PDE1A: variants seen among roughly 807,000 people sequenced by gnomAD.
PDE1A encodes the protein dual specificity calcium/calmodulin-dependent 3',5'-cyclic nucleotide phosphodiesterase 1A.
PDE1A carries 35 observed loss-of-function variants against 61.7 expected under a neutral mutation model. That is an observed-to-expected ratio of 0.57 (90% CI 0.43 to 0.75). PDE1A has a LOEUF of 0.75. PDE1A is among the 30% of genes least tolerant of loss of function. PDE1A has a pLI of 0.00. For synonymous variants in PDE1A, 232 were observed against 213.2 expected (o/e 1.09, Z -0.77); for missense variants, 597 against 630.6 (o/e 0.95, Z 0.57).
intron 7 of PDE1A, among the ~76,000 whole-genome samples, chr2:182,216,258 G>T (rs1688172413): frequency 1.5e-5 from 1 of 65,078 alleles, no homozygotes; most frequent in Non-Finnish European, 3.1e-5. Flanking sequence ...GTATTGATGG[G>T]ACATATTTCA....
the PDE1A span, among the ~76,000 whole-genome samples, chr2:182,599,375 T>C: frequency 6.6e-6 from 1 of 151,790 alleles, no homozygotes; most frequent in African/African-American, 2.4e-5. Flanking sequence ...GACGCTCATC[T>C]GCAAAAGCAA....
the PDE1A span, among the ~76,000 whole-genome samples, chr2:182,707,435 T>C: frequency 6.6e-6 from 1 of 152,100 alleles, no homozygotes; most frequent in Admixed American, 6.5e-5. Flanking sequence ...ACAACCAATG[T>C]CAAGAATGAA....
chr2:182,404,691 C>T (rs1311287048), intron 1 of PDE1A, among the ~76,000 whole-genome samples: 3 of 151,984 alleles, frequency 2.0e-5, no homozygotes, highest in African/African-American at 4.8e-5. Context: ...TACAAACACA[C>T]ACATTACCCT....
chr2:182,283,172 A>C (rs991099758), intron 1 of PDE1A, among the ~76,000 whole-genome samples: 1 of 152,090 alleles, frequency 6.6e-6, no homozygotes, highest in Non-Finnish European at 1.5e-5. Context: ...ATGTAATGGC[A>C]AAGTAAAATC....
intron 2 of PDE1A, among the ~76,000 whole-genome samples, chr2:182,481,513 G>T (rs1361430845): frequency 6.6e-6 from 1 of 151,870 alleles, no homozygotes; most frequent in Non-Finnish European, 1.5e-5. Context: ...AAAAAGGAAA[G>T]AATTTCCATT....
intron 1 of PDE1A, among the ~76,000 whole-genome samples, chr2:182,266,188 C>T (rs1692623089): frequency 6.6e-6 from 1 of 151,914 alleles, no homozygotes; most frequent in South Asian, 2.1e-4. Flanking sequence ...ATTGTATATA[C>T]CAATAAATAA....
intron 1 of PDE1A, among the ~76,000 whole-genome samples, chr2:182,418,992 C>T (rs1703097451): frequency 6.6e-6 from 1 of 151,262 alleles, no homozygotes; most frequent in South Asian, 2.1e-4. Flanking sequence ...ATCGCTGATA[C>T]AATTGTCTTC....
the PDE1A span, among the ~76,000 whole-genome samples, chr2:182,547,415 C>T: frequency 6.6e-6 from 1 of 152,204 alleles, no homozygotes; most frequent in Non-Finnish European, 1.5e-5. Context: ...CATCTTATGC[C>T]TTCCTGCCTT....
chr2:182,334,963 G>T (rs1230963372), intron 1 of PDE1A, among the ~76,000 whole-genome samples: 3 of 152,126 alleles, frequency 2.0e-5, no homozygotes, highest in Non-Finnish European at 4.4e-5. Flanking sequence ...AAATTCACAA[G>T]CATTCCTATA....
the PDE1A span, among the ~76,000 whole-genome samples, chr2:182,602,059 C>T: frequency 6.6e-6 from 1 of 152,366 alleles, no homozygotes; most frequent in East Asian, 1.9e-4. Context: ...CTGCCTCCTG[C>T]TGCCATTCAT....
the PDE1A span, among the ~76,000 whole-genome samples, chr2:182,617,310 C>T: frequency 5.3e-5 from 8 of 152,090 alleles, no homozygotes; most frequent in Non-Finnish European, 7.4e-5. Context: ...GTGTCAACAC[C>T]CCACACATGT....
intron 4 of PDE1A, among the ~76,000 whole-genome samples, chr2:182,233,287 A>G (rs1689729593): frequency 6.6e-6 from 1 of 152,150 alleles, no homozygotes; most frequent in East Asian, 1.9e-4. Context: ...AAATTTTTCT[A>G]CAGACTGAGT....
At chr2:182,376,459 T>G (rs1700409865) in intron 1 of PDE1A, among the ~76,000 whole-genome samples, 1 of 152,158 alleles carries the variant, frequency 6.6e-6, no homozygotes, top group African/African-American at 2.4e-5. Context: ...CTCAACAAGT[T>G]CTCATCTCAG....
At chr2:182,626,184 A>C in the PDE1A span, among the ~76,000 whole-genome samples, 1 of 152,166 alleles carries the variant, frequency 6.6e-6, no homozygotes, top group African/African-American at 2.4e-5. Context: ...TTTCCAAAAC[A>C]AAAAGCAAAC....
At chr2:182,176,010 T>C (rs1692731928) in intron 13 of PDE1A, among the ~76,000 whole-genome samples, 1 of 148,696 alleles carries the variant, frequency 6.7e-6, no homozygotes, top group South Asian at 2.1e-4. Flanking sequence ...TGCGGCGTTA[T>C]TTCTGAGGGC....
chr2:182,373,437 G>A (rs1700226689), intron 1 of PDE1A, among the ~76,000 whole-genome samples: 1 of 152,094 alleles, frequency 6.6e-6, no homozygotes, highest in Non-Finnish European at 1.5e-5. Flanking sequence ...CATATCTTAG[G>A]TTCAAAAACT....
At chr2:182,687,733 CA>C in the PDE1A span, among the ~76,000 whole-genome samples, 2 of 151,948 alleles carry the variant, frequency 1.3e-5, no homozygotes, top group African/African-American at 4.8e-5. Flanking sequence ...TAAACTTCTC[CA>C]AGCTGAAGGA....
At chr2:182,672,459 G>A in the PDE1A span, among the ~76,000 whole-genome samples, 1 of 152,094 alleles carries the variant, frequency 6.6e-6, no homozygotes, top group Non-Finnish European at 1.5e-5. Context: ...TCACACAAAA[G>A]GTTACTGACA....
At chr2:182,682,861 T>A in the PDE1A span, among the ~76,000 whole-genome samples, 1 of 152,110 alleles carries the variant, frequency 6.6e-6, no homozygotes, top group African/African-American at 2.4e-5. Context: ...CCTTATCAGA[T>A]AAGATTGCAG....
Sources: allele counts gnomAD v4.1 joint callset (sites outside exome capture counted in the v4.1 genomes callset), GRCh38; gene constraint gnomAD v4.1.1; transcripts MANE v1.5; gene names NCBI Gene and HGNC (gene_info 2026-07-23, HGNC 2026-07-21).